Variants in SYNDIG1L observed in about 807,000 individuals in gnomAD.
SYNDIG1L encodes the protein synapse differentiation inducing 1 like, also known as synapse differentiation-inducing gene protein 1-like.
In SYNDIG1L, 13 loss-of-function variants were observed where a neutral mutation model predicts 20.1. The observed-to-expected ratio is 0.65, with a 90% CI of 0.42 to 1.03. The LOEUF is 1.03. Among genes scored for constraint, SYNDIG1L ranks in the 50% least tolerant of loss-of-function variants. The probability of loss-of-function intolerance (pLI) is 0.00; values close to 1 mark genes in which losing one functional copy is unlikely to be tolerated. For missense variants in SYNDIG1L, 294 were observed against 305.1 expected (o/e 0.96, Z 0.27); for synonymous variants, 128 against 129.3 (o/e 0.99, Z 0.07).
chr14:74,431,103 C>T (rs2086299462), upstream of SYNDIG1L, among the ~76,000 whole-genome samples: 1 of 152,156 alleles, frequency 6.6e-6, no homozygotes, highest in Non-Finnish European at 1.5e-5. Context: ...GCCTTCTTTG[C>T]CTTCACCCTG....
At chr14:74,437,853 A>C in the SYNDIG1L span, among the ~76,000 whole-genome samples, 1 of 152,184 alleles carries the variant, frequency 6.6e-6, no homozygotes, top group Non-Finnish European at 1.5e-5. Context: ...CTGTTTTGCT[A>C]TCCATGGTGC....
upstream of SYNDIG1L, among the ~76,000 whole-genome samples, chr14:74,426,689 G>T (rs2086269297): frequency 1.3e-5 from 2 of 151,822 alleles, no homozygotes; most frequent in African/African-American, 4.8e-5. Context: ...AGGCAATATA[G>T]TGCCCCTCTT....
the SYNDIG1L span, among the ~76,000 whole-genome samples, chr14:74,476,841 C>T: frequency 6.6e-6 from 1 of 152,096 alleles, no homozygotes; most frequent in Non-Finnish European, 1.5e-5. Flanking sequence ...CATTTAGTTG[C>T]TAGTCAACTG....
At chr14:74,453,959 C>T in the SYNDIG1L span, among the ~76,000 whole-genome samples, 3 of 152,010 alleles carry the variant, frequency 2.0e-5, no homozygotes, top group African/African-American at 7.2e-5. Flanking sequence ...GAGTGAGATT[C>T]TGTCTCAAAA....
At chr14:74,420,606 C>T (rs533197665) in intron 1 of SYNDIG1L, among the ~76,000 whole-genome samples, 1 of 152,212 alleles carries the variant, frequency 6.6e-6, no homozygotes, top group Non-Finnish European at 1.5e-5. Flanking sequence ...GGCCATGCAA[C>T]CACCTGAGAC....
chr14:74,423,188 A>G (rs781453990), intron 1 of SYNDIG1L, among the ~76,000 whole-genome samples: 8 of 152,102 alleles, frequency 5.3e-5, no homozygotes, highest in Non-Finnish European at 1.0e-4. Flanking sequence ...GAAGCAGCCA[A>G]TGGGTAGTTT....
the SYNDIG1L span, among the ~76,000 whole-genome samples, chr14:74,451,931 A>G: frequency 6.9e-6 from 1 of 144,820 alleles, no homozygotes; most frequent in Non-Finnish European, 1.5e-5. Flanking sequence ...CGGAGGTTGC[A>G]GTGAGCCGAG....
At chr14:74,444,587 C>CA in the SYNDIG1L span, among the ~76,000 whole-genome samples, 56 of 151,288 alleles carry the variant, frequency 3.7e-4, no homozygotes, top group African/African-American at 1.3e-3. Context: ...CCTGTCTCTA[C>CA]AAAAAAAATC....
the SYNDIG1L span, among the ~76,000 whole-genome samples, chr14:74,439,189 G>A: frequency 1.3e-5 from 2 of 151,758 alleles, no homozygotes; most frequent in Non-Finnish European, 2.9e-5. Context: ...CTCCGCCTGG[G>A]CTGGATGCCC....
intron 2 of SYNDIG1L, 107 bp downstream of exon 2, chr14:74,409,220 AG>A: frequency 3.7e-6 from 3 of 810,728 alleles, no homozygotes; most frequent in Non-Finnish European, 5.6e-6. Context: ...CTGGGACCAC[AG>A]GCACATGCCA....
chr14:74,423,394 T>TTGC (rs200653886), intron 1 of SYNDIG1L, among the ~76,000 whole-genome samples: 2 of 152,182 alleles, frequency 1.3e-5, no homozygotes, highest in Non-Finnish European at 2.9e-5. Context: ...TAGCTTGCTG[T>TTGC]TGCTGCTGCT....
the SYNDIG1L span, among the ~76,000 whole-genome samples, chr14:74,436,849 CAAAAAAA>C: frequency 1.1e-5 from 1 of 89,316 alleles, no homozygotes; most frequent in Non-Finnish European, 2.2e-5. Flanking sequence ...AAACTCGTCT[CAAAAAAA>C]AAAAAAAAAA....
At chr14:74,441,516 A>G in the SYNDIG1L span, among the ~76,000 whole-genome samples, 4 of 151,976 alleles carry the variant, frequency 2.6e-5, no homozygotes, top group Non-Finnish European at 5.9e-5. Context: ...GTTTTTATAT[A>G]TATATTAGAG....
chr14:74,431,477 CT>C, the SYNDIG1L span, among the ~76,000 whole-genome samples: 1 of 152,144 alleles, frequency 6.6e-6, no homozygotes, highest in Non-Finnish European at 1.5e-5. Context: ...TCCATTTTGA[CT>C]GTCTACTCTG....
chr14:74,424,605 A>T (rs543892389), intron 1 of SYNDIG1L, among the ~76,000 whole-genome samples: 1 of 152,264 alleles, frequency 6.6e-6, no homozygotes, highest in East Asian at 1.9e-4. Flanking sequence ...GGGAGGGCAC[A>T]CTTTTTTCTC....
the SYNDIG1L span, chr14:74,474,728 G>C: frequency 3.3e-5 from 5 of 152,206 alleles, no homozygotes; most frequent in Admixed American, 2.6e-4. Flanking sequence ...GTGAGCCCTG[G>C]CCCTGCTCTG....
the SYNDIG1L span, among the ~76,000 whole-genome samples, chr14:74,468,756 G>A: frequency 4.6e-5 from 7 of 152,098 alleles, no homozygotes; most frequent in Non-Finnish European, 8.8e-5. Context: ...AGTCTTGTAG[G>A]ACATGGCCTT....
the SYNDIG1L span, among the ~76,000 whole-genome samples, chr14:74,467,771 C>T: frequency 2.6e-5 from 4 of 152,268 alleles, no homozygotes; most frequent in South Asian, 8.3e-4. Context: ...CCCAAACCCC[C>T]AGCCAGGCCC....
intron 1 of SYNDIG1L, among the ~76,000 whole-genome samples, chr14:74,419,901 C>A (rs973289633): frequency 6.6e-6 from 1 of 152,028 alleles, no homozygotes; most frequent in Non-Finnish European, 1.5e-5. Context: ...TGTTTGGTAG[C>A]GATGGAATGA....
Sources: gnomAD v4.1 joint callset for allele counts (sites outside exome capture counted in the v4.1 genomes callset) on GRCh38, gnomAD v4.1.1 for gene constraint, MANE v1.5 for transcripts, NCBI Gene and HGNC (gene_info 2026-07-23, HGNC 2026-07-21) for gene names.